Variants in SGK1 observed in about 807,000 individuals in gnomAD.
SGK1 encodes the protein serine/threonine-protein kinase Sgk1.
In SGK1, 26 loss-of-function variants were observed where a neutral mutation model predicts 64.2. That is an observed-to-expected ratio of 0.40 (90% CI 0.30 to 0.56). The LOEUF (loss-of-function observed/expected upper bound fraction) is 0.56. Ranked by LOEUF, SGK1 falls within the 20% of genes least tolerant of loss-of-function variation. The pLI is 0.38. For missense variants in SGK1, 519 were observed against 645.6 expected (o/e 0.80, Z 2.12); for synonymous variants, 265 against 239.7 (o/e 1.11, Z -0.98).
chr6:134,171,392 T>A, intron 11 of SGK1: 1 of 613,866 alleles, frequency 1.6e-6, no homozygotes. Context: ...AGGGGGTAGA[T>A]GTTAATAAGT....
chr6:134,221,931 G>A (rs919341432), intron 2 of SGK1, among the ~76,000 whole-genome samples: 1 of 152,140 alleles, frequency 6.6e-6, no homozygotes, highest in Non-Finnish European at 1.5e-5. Context: ...AGGATTACAG[G>A]TGTGAGCTAC....
chr6:134,244,227 G>T (rs1456261506), intron 2 of SGK1, among the ~76,000 whole-genome samples: 1 of 152,052 alleles, frequency 6.6e-6, no homozygotes, highest in Non-Finnish European at 1.5e-5. Context: ...GCAGTGTTTG[G>T]TTTTCTGTTC....
intron 2 of SGK1, among the ~76,000 whole-genome samples, chr6:134,215,880 G>T (rs1775971551): frequency 6.6e-6 from 1 of 152,138 alleles, no homozygotes; most frequent in South Asian, 2.1e-4. Context: ...GCCAGGCGTG[G>T]TGGTGCATGT....
chr6:134,306,597 T>C (rs9483676), intron 1 of SGK1, among the ~76,000 whole-genome samples: 48,752 of 151,456 alleles, frequency 0.32, 8,036 homozygotes, highest in East Asian at 0.55. Flanking sequence ...CATCATGGCT[T>C]ACTGCAACCT....
chr6:134,180,661 T>G (rs1298970036), intron 3 of SGK1, among the ~76,000 whole-genome samples: 1 of 151,998 alleles, frequency 6.6e-6, no homozygotes, highest in African/African-American at 2.4e-5. Context: ...TCACTTGAGC[T>G]CAGGAGTTTG....
chr6:134,176,016 A>G, intron 3 of SGK1: 6 of 1,022,190 alleles, frequency 5.9e-6, no homozygotes, highest in Non-Finnish European at 7.0e-6. Context: ...TTTCTGAAGT[A>G]ATCTCTGAGA....
chr6:134,230,795 C>A (rs1261607891), intron 2 of SGK1, among the ~76,000 whole-genome samples: 1 of 152,214 alleles, frequency 6.6e-6, no homozygotes, highest in Non-Finnish European at 1.5e-5. Flanking sequence ...AGGCAAATCA[C>A]TTGAAGTCAG....
intron 2 of SGK1, among the ~76,000 whole-genome samples, chr6:134,238,493 T>C (rs1051371700): frequency 6.6e-6 from 1 of 152,086 alleles, no homozygotes; most frequent in African/African-American, 2.4e-5. Context: ...ATCAAAGAAG[T>C]AGGGGCTAAA....
intron 1 of SGK1, among the ~76,000 whole-genome samples, chr6:134,300,493 G>A (rs1467640173): frequency 2.2e-5 from 3 of 139,218 alleles, no homozygotes; most frequent in South Asian, 2.3e-4. Context: ...AGCCGAGATC[G>A]CGCCACTGCA....
chr6:134,251,147 T>C (rs1285336739), intron 2 of SGK1, among the ~76,000 whole-genome samples: 3 of 152,164 alleles, frequency 2.0e-5, no homozygotes, highest in African/African-American at 7.2e-5. Context: ...TGTTACTTGG[T>C]AAATTAAATT....
intron 1 of SGK1, among the ~76,000 whole-genome samples, chr6:134,268,710 G>A (rs1389467460): frequency 2.4e-5 from 3 of 123,366 alleles, no homozygotes; most frequent in South Asian, 2.8e-4. Flanking sequence ...GCGACAGAGC[G>A]AGACTCTGTC....
At chr6:134,310,739 C>A (rs1274677966) in intron 1 of SGK1, among the ~76,000 whole-genome samples, 1 of 152,120 alleles carries the variant, frequency 6.6e-6, no homozygotes, top group Non-Finnish European at 1.5e-5. Flanking sequence ...AGGTGCCCAC[C>A]ACCACTCCCA....
intron 3 of SGK1, among the ~76,000 whole-genome samples, chr6:134,206,359 ATATATATATATATATATATATATATTT>A: frequency 4.1e-5 from 1 of 24,522 alleles, no homozygotes; most frequent in East Asian, 1.6e-3. Context: ...ATATATATAT[ATATATATATATATATATATATATATTT>A]TTTTTTTTTT....
chr6:134,281,531 T>C (rs969056801), intron 1 of SGK1, among the ~76,000 whole-genome samples: 3 of 151,846 alleles, frequency 2.0e-5, no homozygotes, highest in Non-Finnish European at 4.4e-5. Flanking sequence ...TTTTTTTTTT[T>C]TTTAGAGACA....
At chr6:134,276,121 G>A (rs1192863038) in intron 1 of SGK1, among the ~76,000 whole-genome samples, 1 of 152,134 alleles carries the variant, frequency 6.6e-6, no homozygotes, top group African/African-American at 2.4e-5. Flanking sequence ...AGCTCACAAG[G>A]AAAGAGACTC....
intron 2 of SGK1, among the ~76,000 whole-genome samples, chr6:134,228,721 A>G (rs1433613743): frequency 6.6e-6 from 1 of 152,214 alleles, no homozygotes; most frequent in Non-Finnish European, 1.5e-5. Context: ...AGTGGATCCT[A>G]TGTAAACAGA....
chr6:134,309,489 G>C (rs963955735), intron 1 of SGK1, among the ~76,000 whole-genome samples: 3 of 152,158 alleles, frequency 2.0e-5, no homozygotes, highest in Non-Finnish European at 4.4e-5. Context: ...GGGTAAGCCT[G>C]CTCTTAGACC....
At chr6:134,266,868 A>G (rs1242452043) in intron 1 of SGK1, among the ~76,000 whole-genome samples, 1 of 152,160 alleles carries the variant, frequency 6.6e-6, no homozygotes, top group Non-Finnish European at 1.5e-5. Context: ...GAGATGGATA[A>G]TGTTTTTTAT....
rs191330666 is a variant in SGK1 at position 134,224,786 on chromosome 6, G to A, written c.286-17355C>T. Reference sequence around the variant, plus strand: ...GCCTGTAATCCCAGCACTTTGGCAGGTCGAGGCAGGTGGATCACCAGGTCA... The same window carrying A: ...GCCTGTAATCCCAGCACTTTGGCAGATCGAGGCAGGTGGATCACCAGGTCA... On this transcript the variant is annotated intron_variant, in intron 2 of 13. Transcript: ENST00000367858. Among the ~76,000 whole-genome samples, 193 of 152,136 alleles carry A rather than the reference G, an allele frequency of 1.3e-3. 1 individual carries two copies. Among genetic ancestry groups the A allele is most frequent in the Non-Finnish European group, 2.4e-3 (160 of 68,002 alleles).
Sources: allele counts gnomAD v4.1 joint callset (sites outside exome capture counted in the v4.1 genomes callset), GRCh38; gene constraint gnomAD v4.1.1; transcripts MANE v1.5; gene names NCBI Gene and HGNC (gene_info 2026-07-23, HGNC 2026-07-21).